The following KIAA1217 variants were observed in gnomAD, a reference collection of about 807,000 sequenced individuals.
KIAA1217 encodes sickle tail protein homolog.
A neutral mutation model predicts 163.9 loss-of-function variants in KIAA1217; 88 were observed. The observed-to-expected ratio is 0.54, with a 90% CI of 0.45 to 0.64. The LOEUF is 0.64. KIAA1217 is among the 30% of genes least tolerant of loss of function. KIAA1217 has a pLI of 0.00. For synonymous variants in KIAA1217, 903 were observed against 923.1 expected (o/e 0.98, Z 0.39); for missense variants, 2,372 against 2,475.0 (o/e 0.96, Z 0.88).
intron 1 of KIAA1217, among the ~76,000 whole-genome samples, chr10:23,896,169 A>C (rs1023023209): frequency 6.6e-6 from 1 of 152,156 alleles, no homozygotes; most frequent in Non-Finnish European, 1.5e-5. Context: ...TTTTTAAAAA[A>C]GTAGAAGAAT....
At chr10:23,987,584 C>A (rs1173332485) in intron 1 of KIAA1217, among the ~76,000 whole-genome samples, 1 of 148,820 alleles carries the variant, frequency 6.7e-6, no homozygotes, top group Non-Finnish European at 1.5e-5. Flanking sequence ...TTAATGTATT[C>A]ATTACCTCAC....
chr10:23,934,623 A>ATTT (rs1475453455), intron 1 of KIAA1217, among the ~76,000 whole-genome samples: 2 of 61,444 alleles, frequency 3.3e-5, no homozygotes, highest in East Asian at 2.8e-4. Context: ...ATATATATAT[A>ATTT]TATTTTTTTT....
At chr10:24,415,464 CTCT>C (rs2058165385) in intron 3 of KIAA1217, among the ~76,000 whole-genome samples, 1 of 151,940 alleles carries the variant, frequency 6.6e-6, no homozygotes, top group Non-Finnish European at 1.5e-5. Context: ...CTAGCAGTGA[CTCT>C]TCTTTCCCAC....
At position 24,546,205 on chromosome 10, in the gene KIAA1217, T is replaced by C; in HGVS notation, c.5713T>C (p.Ser1905Pro). Residue 1905 changes from serine (S) to proline (P), a missense_variant, in exon 21 of 21, where the codon TCA (serine) becomes CCA (proline). Ser to Pro is a moderately conservative substitution (Grantham distance 74). Around this residue, in one of 3 missense-constraint regions of KIAA1217, gnomAD observed 690 missense variants for 677.5 expected, o/e 1.02. Transcript: ENST00000376454. Reference sequence around the variant, plus strand: ...CCCTCCTTCTCCTGCCTCCTCCGTCTCACTGAATCAAGGTGCCAAGGGCAC... The same window carrying C: ...CCCTCCTTCTCCTGCCTCCTCCGTCCCACTGAATCAAGGTGCCAAGGGCAC... ...SSPPSPASSV[S>P]LNQGAKGTRT... is the part of the protein sequence containing the mutation. 1.2e-6 allele frequency: 2 copies of C among 1,614,126 alleles called. No homozygotes were observed. The highest frequency in any genetic ancestry group is 1.7e-6 in the Non-Finnish European group (2 of 1,180,032).
At chr10:24,211,789 A>T (rs11013970) in intron 1 of KIAA1217, among the ~76,000 whole-genome samples, 88,222 of 151,100 alleles carry the variant, frequency 0.58, 26,077 homozygotes, top group East Asian at 0.7. Flanking sequence ...CCAGGCGGTG[A>T]TTAGCAGGCG....
intron 1 of KIAA1217, among the ~76,000 whole-genome samples, chr10:24,215,290 C>A (rs1251816556): frequency 6.6e-6 from 1 of 152,152 alleles, no homozygotes; most frequent in Non-Finnish European, 1.5e-5. Context: ...TCTGCAGAGG[C>A]TGGGAGGGGC....
At chr10:24,298,820 A>C (rs1345596894) in intron 2 of KIAA1217, among the ~76,000 whole-genome samples, 2 of 152,038 alleles carry the variant, frequency 1.3e-5, no homozygotes, top group African/African-American at 4.8e-5. Context: ...TAAATAAATA[A>C]AATAAAATAA....
At chr10:23,849,564 G>T (rs778320818) in intron 1 of KIAA1217, among the ~76,000 whole-genome samples, 1 of 151,960 alleles carries the variant, frequency 6.6e-6, no homozygotes, top group Non-Finnish European at 1.5e-5. Flanking sequence ...GCTGAGCTTC[G>T]CATCTCACTC....
intron 2 of KIAA1217, among the ~76,000 whole-genome samples, chr10:24,347,631 G>T (rs1454763648): frequency 6.6e-6 from 1 of 151,994 alleles, no homozygotes; most frequent in South Asian, 2.1e-4. Context: ...TACTCTATTG[G>T]CATTCAGGGA....
rs371547331 is a variant in KIAA1217 at position 23,934,577 on chromosome 10, A to T, written c.-320-72648A>T. On this transcript the variant is annotated intron_variant, in intron 1 of 18. Transcript: ENST00000376462. ...TTAAAGTATATATATATATATATAT[A>T]TATATATATATATGTATATATATAT... Among the ~76,000 whole-genome samples the T allele has an allele frequency of 1.0e-4, 6 of 57,910 alleles. No homozygotes were observed. In the African/African-American group the frequency reaches 1.1e-3, roughly 10 times the overall value. 38.0% of individuals were successfully genotyped at this position (57,910 alleles called of 152,430 possible).
intron 2 of KIAA1217, among the ~76,000 whole-genome samples, chr10:24,349,839 G>A (rs1297386997): frequency 6.6e-6 from 1 of 152,218 alleles, no homozygotes; most frequent in Non-Finnish European, 1.5e-5. Context: ...GCAAGTTCAT[G>A]TATAATCATG....
intron 2 of KIAA1217, among the ~76,000 whole-genome samples, chr10:24,118,450 T>A (rs1319875034): frequency 6.6e-6 from 1 of 152,216 alleles, no homozygotes; most frequent in African/African-American, 2.4e-5. Flanking sequence ...CTCGAATTTG[T>A]GCCTCGGTAG....
chr10:24,468,539 A>T (rs1422288670), intron 5 of KIAA1217, among the ~76,000 whole-genome samples: 2 of 152,176 alleles, frequency 1.3e-5, no homozygotes, highest in Non-Finnish European at 2.9e-5. Context: ...TCACAACCGA[A>T]TGTTTGTATT....
chr10:23,872,592 T>C (rs1380090123), intron 1 of KIAA1217, among the ~76,000 whole-genome samples: 2 of 152,068 alleles, frequency 1.3e-5, no homozygotes, highest in Admixed American at 1.3e-4. Context: ...GTTAATTAAT[T>C]GTGTTTTTTT....
rs368582978 is a variant in KIAA1217 at position 24,433,014 on chromosome 10, T to C, written c.573T>C (p.Tyr191=). Residue 191 remains tyrosine (Y), a synonymous_variant, in exon 4 of 21, where the codon TAT becomes TAC. Transcript: ENST00000376454. ...GTGCAGGGGTTCTCTATCTCCAGTA[T>C]GGAGATGAAACCAAGCAGCTCAGGA... ...ERSLGVLYLQ[Y]GDETKQLRMP... 5 of 1,614,076 alleles carry C rather than the reference T, an allele frequency of 3.1e-6. No individual in the cohort carries two copies. The highest frequency in any genetic ancestry group is 1.3e-5 in the African/African-American group (1 of 75,038).
intron 1 of KIAA1217, among the ~76,000 whole-genome samples, chr10:23,955,665 A>T (rs941906313): frequency 4.6e-5 from 7 of 152,120 alleles, no homozygotes; most frequent in Admixed American, 1.3e-4. Context: ...CATTTGAGAG[A>T]CCATCCATCA....
chr10:24,530,343 T>C (rs868521325), intron 14 of KIAA1217, among the ~76,000 whole-genome samples: 1 of 152,212 alleles, frequency 6.6e-6, no homozygotes, highest in Non-Finnish European at 1.5e-5. Flanking sequence ...TTGTTTTTTC[T>C]TTTTTAATGC....
chr10:23,738,518 T>C (rs527908673), intron 1 of KIAA1217, among the ~76,000 whole-genome samples: 1 of 152,358 alleles, frequency 6.6e-6, no homozygotes, highest in African/African-American at 2.4e-5. Flanking sequence ...ATTTTATTTG[T>C]TGTTACATAT....
intron 2 of KIAA1217, among the ~76,000 whole-genome samples, chr10:24,175,834 T>C (rs2065860575): frequency 6.6e-6 from 1 of 152,164 alleles, no homozygotes; most frequent in Admixed American, 6.5e-5. Context: ...CCAGACTTGT[T>C]CATGCCTCCC....
Sources: gnomAD v4.1 joint callset for allele counts (sites outside exome capture counted in the v4.1 genomes callset) on GRCh38, gnomAD v4.1.1 for gene constraint, gnomAD v4.1.1 regional missense constraint, MANE v1.5 for transcripts, NCBI Gene and HGNC (gene_info 2026-07-23, HGNC 2026-07-21) for gene names.